Variants in CEP120 observed in about 807,000 individuals in gnomAD.
The protein encoded by CEP120 is centrosomal protein of 120 kDa.
Under a neutral mutation model 126.5 loss-of-function variants are expected in CEP120, and 113 were observed. The observed-to-expected ratio is 0.89, with a 90% CI of 0.77 to 1.04. The LOEUF is 1.04. CEP120 is among the 50% of genes least tolerant of loss of function. The pLI is 0.00. For missense variants in CEP120, 1,230 were observed against 1,155.7 expected, an observed-to-expected ratio of 1.06 and a Z score of -0.93; for synonymous variants, 400 against 394.3, an observed-to-expected ratio of 1.01 and a Z score of -0.17.
intron 4 of CEP120, among the ~76,000 whole-genome samples, chr5:123,407,115 A>C (rs1242173296): frequency 2.6e-5 from 4 of 151,362 alleles, no homozygotes; most frequent in Admixed American, 2.6e-4. Context: ...TAAAAAAAAA[A>C]AAAACAAAAA....
intron 4 of CEP120, among the ~76,000 whole-genome samples, chr5:123,400,167 T>C (rs1380781448): frequency 6.6e-6 from 1 of 152,188 alleles, no homozygotes; most frequent in Non-Finnish European, 1.5e-5. Context: ...ACAGTAGCAG[T>C]GGCTGAAAAC....
rs1373566638 is a variant in CEP120 at position 123,372,749 on chromosome 5, A to G, written c.2382T>C (p.Tyr794=). The G allele has an allele frequency of 2.5e-6, 4 of 1,604,842 alleles. No homozygotes were observed. Among genetic ancestry groups the G allele is most frequent in the Non-Finnish European group, 3.4e-6 (4 of 1,175,780 alleles). Residue 794 remains tyrosine, a synonymous_variant, in exon 17 of 20, where the codon TAT becomes TAC. Transcript: ENST00000306467. ...GTTGGAACTCTTTTTCCAAAATCTT[A>G]TACTTATTTTCAGCATCATTAAGCT... is the stretch of plus-strand genomic sequence containing the variant. The part of the protein sequence containing the change: ...QQQLNDAENK[Y]KILEKEFQQF...
intron 1 of CEP120, 125 bp from the exon 2 acceptor site, chr5:123,418,640 A>G: frequency 1.3e-6 from 1 of 753,774 alleles, no homozygotes; most frequent in South Asian, 2.8e-5. Flanking sequence ...TCTGTTGCTT[A>G]GGCTGGAGTT....
intron 18 of CEP120, among the ~76,000 whole-genome samples, chr5:123,355,530 T>C (rs959787852): frequency 2.6e-5 from 4 of 152,240 alleles, no homozygotes; most frequent in Non-Finnish European, 5.9e-5. Context: ...GTTTCTCTGA[T>C]GGCCAGTGAT....
At chr5:123,359,985 T>G (rs1174311798) in intron 18 of CEP120, among the ~76,000 whole-genome samples, 2 of 151,954 alleles carry the variant, frequency 1.3e-5, no homozygotes, top group Non-Finnish European at 2.9e-5. Context: ...TTTCACCATC[T>G]AATCCGTACT....
At chr5:123,401,007 C>T (rs1220707886) in intron 4 of CEP120, 13 of 1,553,336 alleles carry the variant, frequency 8.4e-6, no homozygotes, top group Admixed American at 1.7e-5. Flanking sequence ...GTAGCTGGTG[C>T]GGCTGAAGGA....
chr5:123,395,166 T>G (rs1446581140), intron 5 of CEP120, among the ~76,000 whole-genome samples: 1 of 152,238 alleles, frequency 6.6e-6, no homozygotes, highest in East Asian at 1.9e-4. Flanking sequence ...TAATTCTGAA[T>G]TATTCCCATT....
chr5:123,395,094 C>T (rs1772685311), intron 5 of CEP120, among the ~76,000 whole-genome samples: 1 of 152,198 alleles, frequency 6.6e-6, no homozygotes, highest in Admixed American at 6.5e-5. Context: ...TACTTTCTTT[C>T]ATGATCATAC....
intron 4 of CEP120, among the ~76,000 whole-genome samples, chr5:123,400,704 CAAAA>C (rs35093126): frequency 3.2e-5 from 3 of 93,774 alleles, no homozygotes; most frequent in Non-Finnish European, 6.0e-5. Flanking sequence ...TATTTTGGAC[CAAAA>C]AAAAAAAAAA....
At chr5:123,412,774 C>T (rs1312320448) in intron 3 of CEP120, among the ~76,000 whole-genome samples, 1 of 152,102 alleles carries the variant, frequency 6.6e-6, no homozygotes, top group East Asian at 1.9e-4. Context: ...TCTTCCTATG[C>T]TTCAAGAGGC....
At chr5:123,366,948 G>T (rs1580655138) in intron 17 of CEP120, among the ~76,000 whole-genome samples, 1 of 151,610 alleles carries the variant, frequency 6.6e-6, no homozygotes, top group South Asian at 2.1e-4. Context: ...ACTTCCTGAG[G>T]CTGCCAATTC....
intron 19 of CEP120, among the ~76,000 whole-genome samples, chr5:123,347,771 G>T (rs556779741): frequency 6.6e-6 from 1 of 152,036 alleles, no homozygotes; most frequent in South Asian, 2.1e-4. Flanking sequence ...TCAGCCTCTC[G>T]AGTAGCTGGG....
At chr5:123,366,861 A>AAAT (rs1348256224) in intron 17 of CEP120, among the ~76,000 whole-genome samples, 19 of 151,858 alleles carry the variant, frequency 1.3e-4, no homozygotes, top group Non-Finnish European at 2.4e-4. Flanking sequence ...CTACCCGCTC[A>AAAT]ACCTGCTTTC....
Position 123,382,757 on chromosome 5 carries a change from C to T in CEP120, c.1993G>A (p.Glu665Lys). The change falls in exon 13 of 20, where the codon GAA (glutamate) becomes AAA (lysine). Residue 665 changes from glutamate to lysine, a missense_variant. By Grantham distance (56) the Glu-to-Lys change is moderately conservative (BLOSUM62 1). Transcript: ENST00000306467. ...LELEMWKEMQ[E>K]DIFENQLKQK... ...GTAACCTGATTTTCAAATATATCTT[C>T]TTGCATCTCCTTCCACATTTCTAGC... 6.2e-7 allele frequency: 1 copy of T among 1,612,044 alleles called. No homozygotes were observed. The highest frequency in any genetic ancestry group is 8.5e-7 in the Non-Finnish European group (1 of 1,179,208).
In CEP120 at chr5:123,386,570, A is replaced by G. The variant is rs771208443; in HGVS notation, c.1528T>C (p.Cys510Arg). 3.1e-6 allele frequency: 5 copies of G among 1,596,186 alleles called. No individual in the cohort carries two copies. In the Admixed American group the frequency reaches 5.2e-5, roughly 17 times the overall value. ...GGCATAGTTGCAAAATCAAATGCAC[A>G]GTAAGACTGGGGAAGAAAAACTTCC... is the stretch of plus-strand genomic sequence containing the variant. ...NMEVFLPQSYCAFDFATMPHQ... is the reference protein window; with the variant it reads ...NMEVFLPQSYRAFDFATMPHQ... The change falls in exon 10 of 20, where the codon TGT becomes CGT. Residue 510 changes from cysteine (C) to arginine (R), a missense_variant. Coordinates refer to ENST00000306467, the MANE Select transcript of CEP120 (RefSeq NM_001375405.1).
chr5:123,392,233 T>C (rs1272976539), intron 6 of CEP120, among the ~76,000 whole-genome samples: 1 of 152,228 alleles, frequency 6.6e-6, no homozygotes, highest in Admixed American at 6.5e-5. Context: ...TCAATACTTT[T>C]GGTAAGGACT....
At chr5:123,402,022 T>C in intron 4 of CEP120, 1 of 1,606,240 alleles carries the variant, frequency 6.2e-7, no homozygotes, top group South Asian at 1.1e-5. Context: ...AACCGTACCT[T>C]GTCTATGAAG....
In CEP120 at chr5:123,393,396, T is replaced by C. The variant is rs1361208388; in HGVS notation, c.714A>G (p.Leu238=). The C allele has an allele frequency of 3.1e-6, 5 of 1,614,166 alleles. No homozygotes were observed. The highest frequency in any genetic ancestry group is 4.2e-6 in the Non-Finnish European group (5 of 1,180,016). The change falls in exon 6 of 20, where the codon TTA becomes TTG. Residue 238 remains leucine (L), a synonymous_variant. Transcript: ENST00000306467. Reference sequence around the variant, plus strand: ...TCTCTGGCTCAAAGTTTGGGTTGATTAAATCATTGAAGGGTTCATTTGTAA... The same window carrying C: ...TCTCTGGCTCAAAGTTTGGGTTGATCAAATCATTGAAGGGTTCATTTGTAA... ...NDVTNEPFND[L]INPNFEPERA... is the part of the protein sequence containing the mutation.
chr5:123,396,912 AAC>A (rs1772829759), intron 5 of CEP120, among the ~76,000 whole-genome samples: 1 of 152,236 alleles, frequency 6.6e-6, no homozygotes, highest in African/African-American at 2.4e-5. Context: ...GGTAGGATTA[AAC>A]ACAAAATATG....
Sources: allele counts gnomAD v4.1 joint callset (sites outside exome capture counted in the v4.1 genomes callset), GRCh38; gene constraint gnomAD v4.1.1; transcripts MANE v1.5; gene names NCBI Gene and HGNC (gene_info 2026-07-23, HGNC 2026-07-21).